Variants in CDYL2 observed in about 807,000 individuals in gnomAD.
CDYL2 encodes the protein chromodomain Y-like protein 2.
Under a neutral mutation model 49.4 loss-of-function variants are expected in CDYL2, and 23 were observed. The ratio of observed to expected loss-of-function variants is 0.47; its 90% CI spans 0.34 to 0.66. The LOEUF (loss-of-function observed/expected upper bound fraction) is 0.66. Ranked by LOEUF, CDYL2 falls within the 30% of genes least tolerant of loss-of-function variation. The pLI is 0.01. For synonymous variants in CDYL2, 360 were observed against 268.8 expected, an observed-to-expected ratio of 1.34 and a Z score of -3.32; for missense variants, 678 against 656.4, an observed-to-expected ratio of 1.03 and a Z score of -0.36.
At chr16:80,730,016 A>C (rs1277930455) in intron 1 of CDYL2, among the ~76,000 whole-genome samples, 1 of 152,206 alleles carries the variant, frequency 6.6e-6, no homozygotes, top group Non-Finnish European at 1.5e-5. Context: ...TCCAAAACTG[A>C]CACCCTAACA....
At chr16:80,660,983 G>A (rs1909018209) in intron 2 of CDYL2, among the ~76,000 whole-genome samples, 1 of 152,210 alleles carries the variant, frequency 6.6e-6, no homozygotes, top group African/African-American at 2.4e-5. Context: ...GGCAGGAAGT[G>A]GAGGGCTGGG....
At chr16:80,736,406 A>G (rs1905532889) in intron 1 of CDYL2, 1 of 152,232 alleles carries the variant, frequency 6.6e-6, no homozygotes, top group East Asian at 1.9e-4. Flanking sequence ...TCAAGTTACT[A>G]ATTTTTAATT....
intron 2 of CDYL2, among the ~76,000 whole-genome samples, chr16:80,637,817 A>G (rs1279261759): frequency 6.6e-6 from 1 of 152,230 alleles, no homozygotes; most frequent in Non-Finnish European, 1.5e-5. Flanking sequence ...AATTACCCTG[A>G]TTACCCTGAT....
At chr16:80,777,787 T>C (rs1907136803) in intron 1 of CDYL2, among the ~76,000 whole-genome samples, 1 of 152,074 alleles carries the variant, frequency 6.6e-6, no homozygotes, top group Admixed American at 6.5e-5. Flanking sequence ...TTAGTTGACA[T>C]GTTACATAAG....
intron 1 of CDYL2, among the ~76,000 whole-genome samples, chr16:80,767,644 G>C (rs1906770153): frequency 6.6e-6 from 1 of 152,180 alleles, no homozygotes; most frequent in African/African-American, 2.4e-5. Flanking sequence ...GGTAGACAAG[G>C]CATAGAAGGT....
intron 1 of CDYL2, among the ~76,000 whole-genome samples, chr16:80,768,384 T>G (rs1310033710): frequency 1.3e-5 from 2 of 152,228 alleles, no homozygotes; most frequent in Admixed American, 1.3e-4. Context: ...TCCATGTGTC[T>G]TAGACTATTC....
chr16:80,683,321 G>A (rs1360425439), intron 2 of CDYL2, among the ~76,000 whole-genome samples: 1 of 152,328 alleles, frequency 6.6e-6, no homozygotes, highest in African/African-American at 2.4e-5. Context: ...ACACACAGGT[G>A]TCTGAGAAGT....
At chr16:80,780,895 C>T (rs2142404664) in intron 1 of CDYL2, among the ~76,000 whole-genome samples, 1 of 152,198 alleles carries the variant, frequency 6.6e-6, no homozygotes, top group East Asian at 1.9e-4. Context: ...TTATTCTGAC[C>T]TGTAGATGTT....
At chr16:80,627,648 TG>T (rs936745604) in intron 3 of CDYL2, 82 of 152,334 alleles carry the variant, frequency 5.4e-4, no homozygotes, top group African/African-American at 1.9e-3. Context: ...TAAAGTAAAA[TG>T]TTCCGAAATT....
chr16:80,668,210 G>C (rs1909351999), intron 2 of CDYL2, among the ~76,000 whole-genome samples: 1 of 152,206 alleles, frequency 6.6e-6, no homozygotes, highest in African/African-American at 2.4e-5. Flanking sequence ...GACTCAGAAA[G>C]AGTTCCAAGA....
intron 1 of CDYL2, among the ~76,000 whole-genome samples, chr16:80,749,263 G>A (rs1451525418): frequency 6.6e-6 from 1 of 152,162 alleles, no homozygotes; most frequent in Non-Finnish European, 1.5e-5. Flanking sequence ...ATTTAGGGCA[G>A]TTAATCATTT....
At chr16:80,755,845 A>G (rs1310458115) in intron 1 of CDYL2, among the ~76,000 whole-genome samples, 1 of 152,182 alleles carries the variant, frequency 6.6e-6, no homozygotes, top group Admixed American at 6.5e-5. Context: ...AGTGGAGACT[A>G]TGGGAGCAGG....
chr16:80,660,055 G>T (rs1479231581), intron 2 of CDYL2, among the ~76,000 whole-genome samples: 3 of 151,938 alleles, frequency 2.0e-5, no homozygotes, highest in Non-Finnish European at 2.9e-5. Flanking sequence ...TCAAAATGCT[G>T]AGACAAAATA....
chr16:80,743,287 AGGGAGCCC>A (rs1385435487), intron 1 of CDYL2, among the ~76,000 whole-genome samples: 1 of 152,238 alleles, frequency 6.6e-6, no homozygotes, highest in Non-Finnish European at 1.5e-5. Context: ...AGACATTGTG[AGGGAGCCC>A]TCAAACCAGA....
intron 1 of CDYL2, among the ~76,000 whole-genome samples, chr16:80,758,468 A>C (rs1288043007): frequency 6.6e-6 from 1 of 152,098 alleles, no homozygotes; most frequent in Non-Finnish European, 1.5e-5. Context: ...CTGGATGCAG[A>C]AACGCTTTTT....
intron 1 of CDYL2, among the ~76,000 whole-genome samples, chr16:80,750,537 A>G (rs995850255): frequency 2.0e-5 from 3 of 152,156 alleles, no homozygotes; most frequent in Non-Finnish European, 4.4e-5. Context: ...ATTCTCCACA[A>G]CAAATAAACT....
chr16:80,748,494 G>T (rs994047899), intron 1 of CDYL2, among the ~76,000 whole-genome samples: 9 of 91,494 alleles, frequency 9.8e-5, no homozygotes, highest in Admixed American at 1.7e-4. Flanking sequence ...GGGCGACAGA[G>T]CAAAACTCCA....
At chr16:80,622,434 C>G (rs773091879) in intron 3 of CDYL2, among the ~76,000 whole-genome samples, 3 of 152,124 alleles carry the variant, frequency 2.0e-5, no homozygotes, top group Non-Finnish European at 4.4e-5. Flanking sequence ...CCCAGCACCC[C>G]CATTTGTTTT....
intron 1 of CDYL2, among the ~76,000 whole-genome samples, chr16:80,753,371 G>C (rs28744568): frequency 0.027 from 4,101 of 152,198 alleles, 179 homozygotes; most frequent in African/African-American, 0.093. Context: ...CATTTTGGTA[G>C]GGCGAGGTGG....
Sources: gnomAD v4.1 joint callset for allele counts (sites outside exome capture counted in the v4.1 genomes callset) on GRCh38, gnomAD v4.1.1 for gene constraint, MANE v1.5 for transcripts, NCBI Gene and HGNC (gene_info 2026-07-23, HGNC 2026-07-21) for gene names.